The following FHIT variants were observed in gnomAD, a reference collection of about 807,000 sequenced individuals.
The protein encoded by FHIT is fragile histidine triad diadenosine triphosphatase.
Under a neutral mutation model 17.9 loss-of-function variants are expected in FHIT, and 19 were observed. The ratio of observed to expected loss-of-function variants is 1.06; its 90% CI spans 0.74 to 1.56. The LOEUF (loss-of-function observed/expected upper bound fraction) is 1.56. Among genes scored for constraint, FHIT ranks in the 40% most tolerant of loss-of-function variants. FHIT has a pLI of 0.00. For synonymous variants in FHIT, 81 were observed against 69.7 expected (o/e 1.16, Z -0.81); for missense variants, 248 against 189.2 (o/e 1.31, Z -1.82).
intron 3 of FHIT, among the ~76,000 whole-genome samples, chr3:60,957,837 T>C (rs943343583): frequency 6.6e-6 from 1 of 152,236 alleles, no homozygotes; most frequent in Admixed American, 6.5e-5. Context: ...CAACTGTCTA[T>C]TTATCTCTTC....
chr3:60,903,452 AT>A (rs1706227100), intron 3 of FHIT, among the ~76,000 whole-genome samples: 1 of 152,244 alleles, frequency 6.6e-6, no homozygotes, highest in Admixed American at 6.5e-5. Flanking sequence ...CAGAGGCCAA[AT>A]AAAGACCTAA....
chr3:60,449,150 G>A (rs182716123), intron 5 of FHIT, among the ~76,000 whole-genome samples: 2 of 152,214 alleles, frequency 1.3e-5, no homozygotes, highest in Non-Finnish European at 1.5e-5. Flanking sequence ...TCTTTGAGAG[G>A]GAAAAACTCG....
At chr3:60,824,277 T>C (rs1702038007) in intron 3 of FHIT, among the ~76,000 whole-genome samples, 1 of 152,186 alleles carries the variant, frequency 6.6e-6, no homozygotes, top group Admixed American at 6.5e-5. Context: ...CGAAATATTT[T>C]GAAAGCAGAT....
At chr3:60,991,832 A>G (rs373326927) in intron 3 of FHIT, among the ~76,000 whole-genome samples, 1 of 152,146 alleles carries the variant, frequency 6.6e-6, no homozygotes, top group Admixed American at 6.5e-5. Context: ...ATTAGGAAGA[A>G]GAAAGAGAAG....
At chr3:59,982,588 C>T (rs1312661663) in intron 7 of FHIT, among the ~76,000 whole-genome samples, 1 of 152,116 alleles carries the variant, frequency 6.6e-6, no homozygotes, top group Non-Finnish European at 1.5e-5. Flanking sequence ...TGAATTTTTG[C>T]CCTCTTTAAT....
chr3:60,591,717 G>C (rs1404339707), intron 4 of FHIT, among the ~76,000 whole-genome samples: 2 of 152,174 alleles, frequency 1.3e-5, no homozygotes, highest in Admixed American at 6.5e-5. Flanking sequence ...AGCCTTCTGA[G>C]ATTCATTCTT....
chr3:60,388,324 G>T (rs1002649494), intron 5 of FHIT, among the ~76,000 whole-genome samples: 1 of 152,156 alleles, frequency 6.6e-6, no homozygotes. Context: ...CCCTAGCCAG[G>T]CATGGTGGCT....
At chr3:59,752,155 T>TGA in intron 9 of FHIT, 66 bp downstream of exon 9, 3 of 1,150,574 alleles carry the variant, frequency 2.6e-6, no homozygotes, top group Non-Finnish European at 3.8e-6. Context: ...ATCCCCATTC[T>TGA]GAGAGTGCAG....
At chr3:60,588,651 T>A (rs1414765375) in intron 4 of FHIT, among the ~76,000 whole-genome samples, 3 of 152,014 alleles carry the variant, frequency 2.0e-5, no homozygotes, top group Admixed American at 6.6e-5. Context: ...ATAATTTTTT[T>A]AATTCATTTA....
intron 4 of FHIT, among the ~76,000 whole-genome samples, chr3:60,753,785 C>T (rs2042516132): frequency 6.6e-6 from 1 of 152,126 alleles, no homozygotes; most frequent in African/African-American, 2.4e-5. Flanking sequence ...GAACTGCCTG[C>T]CCTGCCTCTG....
rs1011799752 is a variant in FHIT, at chr3:61,124,384, A to G, written c.-164+76233T>C. ...CATCCTCCATTAACGGAGGGCAGTT[A>G]ATGCACATATCTGCCTGTGTGGTGG... is the stretch of plus-strand genomic sequence containing the variant. On this transcript the variant is annotated intron_variant, in intron 2 of 9. Transcript: ENST00000492590. 2.6e-5 allele frequency among the ~76,000 whole-genome samples: 4 copies of G among 152,124 alleles called. No individual in the cohort carries two copies. In the East Asian group the frequency reaches 7.7e-4, roughly 29 times the overall value.
intron 7 of FHIT, among the ~76,000 whole-genome samples, chr3:59,923,271 A>G (rs2107196187): frequency 6.7e-6 from 1 of 149,146 alleles, no homozygotes. Flanking sequence ...GGCAAGGTCT[A>G]CTATGATCTC....
At chr3:60,540,565 TG>T (rs1559524740) in intron 4 of FHIT, among the ~76,000 whole-genome samples, 2 of 152,170 alleles carry the variant, frequency 1.3e-5, no homozygotes, top group Non-Finnish European at 2.9e-5. Context: ...CTTTGTGTGT[TG>T]GGGGGAAAGA....
intron 8 of FHIT, among the ~76,000 whole-genome samples, chr3:59,814,045 T>TACACACACACACACACACACACAC (rs144355020): frequency 5.1e-4 from 75 of 146,870 alleles, no homozygotes; most frequent in African/African-American, 1.8e-3. Context: ...AATTTACACA[T>TACACACACACACACACACACACAC]ACACACACAC....
At chr3:60,674,706 G>C (rs184259573) in intron 4 of FHIT, among the ~76,000 whole-genome samples, 2 of 152,226 alleles carry the variant, frequency 1.3e-5, no homozygotes, top group African/African-American at 4.8e-5. Flanking sequence ...AGGTTCTCAG[G>C]GAAATCTGCC....
intron 5 of FHIT, among the ~76,000 whole-genome samples, chr3:60,430,229 C>G (rs1702832116): frequency 6.6e-6 from 1 of 151,992 alleles, no homozygotes; most frequent in Non-Finnish European, 1.5e-5. Flanking sequence ...AGCGAGTAAC[C>G]AGTTTACTCA....
chr3:61,214,992 T>C (rs942792709), intron 1 of FHIT, among the ~76,000 whole-genome samples: 5 of 151,454 alleles, frequency 3.3e-5, no homozygotes, highest in South Asian at 2.1e-4. Flanking sequence ...GAATTAGGTA[T>C]TGATGGGACA....
intron 3 of FHIT, among the ~76,000 whole-genome samples, chr3:60,903,853 T>G (rs1012810693): frequency 6.6e-6 from 1 of 152,162 alleles, no homozygotes; most frequent in Non-Finnish European, 1.5e-5. Flanking sequence ...TTCTAGCCTA[T>G]ATCCTCTGGA....
chr3:60,457,077 C>T (rs565631438), intron 5 of FHIT, among the ~76,000 whole-genome samples: 12 of 152,120 alleles, frequency 7.9e-5, no homozygotes, highest in Admixed American at 7.9e-4. Context: ...TTGGAAAAAA[C>T]TACTTTAAAG....
Sources: gnomAD v4.1 joint callset for allele counts (sites outside exome capture counted in the v4.1 genomes callset) on GRCh38, gnomAD v4.1.1 for gene constraint, MANE v1.5 for transcripts, NCBI Gene and HGNC (gene_info 2026-07-23, HGNC 2026-07-21) for gene names.